Variants in FBXO7 observed in about 807,000 individuals in gnomAD.
The protein encoded by FBXO7 is F-box protein 7, also known as F-box only protein 7.
A neutral mutation model predicts 50.2 loss-of-function variants in FBXO7; 31 were observed. That is an observed-to-expected ratio of 0.62 (90% CI 0.46 to 0.83). The LOEUF is 0.83. Ranked by LOEUF, FBXO7 falls within the 40% of genes least tolerant of loss-of-function variation. The pLI is 0.00. For synonymous variants in FBXO7, 256 were observed against 253.1 expected, an observed-to-expected ratio of 1.01 and a Z score of -0.11; for missense variants, 667 against 646.6, an observed-to-expected ratio of 1.03 and a Z score of -0.34.
At chr22:32,475,233 G>C (rs1242510206) in intron 1 of FBXO7, 109 bp downstream of exon 1, 1 of 1,523,484 alleles carries the variant, frequency 6.6e-7, no homozygotes, top group Non-Finnish European at 8.8e-7. Context: ...GTGGCCGGGC[G>C]ATAGGCCAAG....
chr22:32,493,349 G>C (rs2057551132), intron 7 of FBXO7, 68 bp downstream of exon 7: 1 of 1,351,332 alleles, frequency 7.4e-7, no homozygotes, highest in South Asian at 1.2e-5. Flanking sequence ...CTCACCAAAA[G>C]TTTTTAGTTG....
rs1601520490 is a variant in FBXO7, at chr22:32,498,237, C to G, written c.1276C>G (p.Pro426Ala). Residue 426 changes from proline (P) to alanine (A), a missense_variant, in exon 9 of 9, where the codon CCC becomes GCC. Physicochemically the swap from Pro to Ala is conservative, Grantham distance 27. Transcript: ENST00000266087. Reference protein sequence around the residue: ...PSSTHTIPFYPNPLHPRPFPS... With the variant: ...PSSTHTIPFYANPLHPRPFPS... ...GTCAACTCACACCATTCCATTCTAT[C>G]CCAACCCCTTGCACCCTAGGCCATT... 6.2e-7 allele frequency: 1 copy of G among 1,614,086 alleles called. No homozygotes were observed. Among genetic ancestry groups the G allele is most frequent in the Non-Finnish European group, 8.5e-7 (1 of 1,180,044 alleles).
rs559606392 is a variant in FBXO7, at chr22:32,483,862, TTTAA to T, written c.418-28_418-25del. 10,896 of 1,585,604 alleles carry T rather than the reference TTTAA, an allele frequency of 6.9e-3. 54 individuals are homozygous for T. Among genetic ancestry groups the T allele is most frequent in the Middle Eastern group, 8.5e-3 (51 of 6,010 alleles). Reference sequence around the variant, plus strand: ...AAAATGTATAGTGTAAAAATAAGTCTTTAATTAATTCATTGTTTTGTTTTCCTTT... The same window carrying T: ...AAAATGTATAGTGTAAAAATAAGTCTTTAATTCATTGTTTTGTTTTCCTTT... On this transcript the variant is annotated intron_variant, in intron 2 of 8. Transcript: ENST00000266087.
At chr22:32,491,268 G>C in intron 6 of FBXO7, 87 bp downstream of exon 6, 1 of 978,790 alleles carries the variant, frequency 1.0e-6, no homozygotes. Context: ...ACATCTGACT[G>C]CCCTCTTTTC....
chr22:32,495,514 A>G lies in FBXO7; in HGVS notation c.1166A>G (p.Asp389Gly), dbSNP rs1405226416. The G allele has an allele frequency of 6.4e-7, 1 of 1,571,282 alleles. No homozygotes were observed. The highest frequency in any genetic ancestry group is 1.1e-5 in the South Asian group (1 of 87,644). Residue 389 changes from aspartate (D) to glycine (G), a missense_variant, in exon 8 of 9, where the codon GAC becomes GGC. Transcript: ENST00000266087. Reference sequence around the variant, plus strand: ...GTAGACAATACTGTCAGAGTTCAAGACACAGATTGGAAAGAAGTAGGTATT... The same window carrying G: ...GTAGACAATACTGTCAGAGTTCAAGGCACAGATTGGAAAGAAGTAGGTATT... ...DFRDNTVRVQ[D>G]TDWKELYRKR...
Position 32,485,053 on chromosome 22 carries a change from C to T in FBXO7, c.646-15C>T, listed in dbSNP as rs1778708082. Reference sequence around the variant, plus strand: ...CTTTCTTCATTATTTGTTTCCCTTTCATTTCGTTCCCCAGGGCACCGAAGC... The same window carrying T: ...CTTTCTTCATTATTTGTTTCCCTTTTATTTCGTTCCCCAGGGCACCGAAGC... On this transcript the variant is annotated splice_polypyrimidine_tract_variant and intron_variant, in intron 3 of 8. Coordinates refer to ENST00000266087, the MANE Select transcript of FBXO7 (RefSeq NM_012179.4). The T allele has an allele frequency of 2.0e-5, 33 of 1,613,896 alleles. No individual in the cohort carries two copies. The highest frequency in any genetic ancestry group is 2.6e-5 in the Non-Finnish European group (31 of 1,179,960).
Position 32,475,243 on chromosome 22 carries a change from G to T in FBXO7, c.122+119G>T, listed in dbSNP as rs11703157. The T allele has an allele frequency of 0.19, 298,680 of 1,536,304 alleles. 32,764 individuals are homozygous for T. The highest frequency in any genetic ancestry group is 0.23 in the Non-Finnish European group (262,577 of 1,147,324). ...CGGGCGTGGCCGGGCGATAGGCCAA[G>T]TGCGGGGACGCCGGGGGGGCCTTCA... On this transcript the variant is annotated intron_variant, in intron 1 of 8. Transcript: ENST00000266087.
At chr22:32,486,496 C>CTATTTTTTATTT (rs904193206) in intron 4 of FBXO7, among the ~76,000 whole-genome samples, 6 of 152,122 alleles carry the variant, frequency 3.9e-5, no homozygotes, top group African/African-American at 1.4e-4. Context: ...CCACACCTGG[C>CTATTTTTTATTT]TATTTTTTAT....
chr22:32,496,295 A>G (rs2057574014), intron 8 of FBXO7, among the ~76,000 whole-genome samples: 1 of 152,316 alleles, frequency 6.6e-6, no homozygotes, highest in Admixed American at 6.5e-5. Flanking sequence ...ATCTTGGCTA[A>G]CACGGTGAAA....
intron 7 of FBXO7, among the ~76,000 whole-genome samples, chr22:32,494,026 T>C (rs1390149788): frequency 1.3e-5 from 2 of 150,800 alleles, no homozygotes; most frequent in Non-Finnish European, 2.9e-5. Flanking sequence ...TTCACATAAA[T>C]GTTTGAATGA....
intron 8 of FBXO7, among the ~76,000 whole-genome samples, chr22:32,496,439 T>A (rs545547182): frequency 3.0e-4 from 45 of 151,994 alleles, no homozygotes; most frequent in Non-Finnish European, 5.4e-4. Flanking sequence ...CCAAGATCGC[T>A]CCATTGCACT....
At chr22:32,487,923 CTAT>C (rs2057509578) in intron 5 of FBXO7, 95 bp downstream of exon 5, 1 of 784,160 alleles carries the variant, frequency 1.3e-6, no homozygotes, top group African/African-American at 1.7e-5. Flanking sequence ...CTGAAAATTT[CTAT>C]ATGAGATTAA....
chr22:32,490,945 C>A lies in FBXO7; in HGVS notation c.872-141C>A, dbSNP rs111241360. On this transcript the variant is annotated intron_variant, in intron 5 of 8. Transcript: ENST00000266087. ...CATCAAGTCTTGCACTGTACTTCTT[C>A]CATGAGGGAATTTGGTTCATGCTTA... 374 of 650,968 alleles carry A rather than the reference C, an allele frequency of 5.7e-4. 1 individual carries two copies. Among genetic ancestry groups the A allele is most frequent in the African/African-American group, 4.7e-3 (258 of 55,190 alleles). The allele number at this position is 650,968 out of a possible 1,614,324, so 40.3% of individuals were successfully genotyped here. A position where few individuals can be genotyped will look rare whatever the true frequency, so the allele number is the denominator to read the frequency against.
Position 32,493,158 on chromosome 22 carries a change from C to G in FBXO7, c.1021C>G (p.Leu341Val), listed in dbSNP as rs1294448791. The change falls in exon 7 of 9, where the codon CTA (leucine) becomes GTA (valine). Residue 341 changes from leucine (L) to valine (V), a missense_variant. Coordinates refer to ENST00000266087, the MANE Select transcript of FBXO7 (RefSeq NM_012179.4). ...GGTCGTCCTCCCATTGGAACTGAAA[C>G]TACGGATCTTCCGACTTCTGGATGT... Reference protein sequence around the residue: ...GLVVLPLELKLRIFRLLDVRS... With the variant: ...GLVVLPLELKVRIFRLLDVRS... 5.6e-6 allele frequency: 9 copies of G among 1,614,186 alleles called. No individual in the cohort carries two copies. Among genetic ancestry groups the G allele is most frequent in the Non-Finnish European group, 5.9e-6 (7 of 1,180,012 alleles).
rs766883090 is a variant in FBXO7 at position 32,484,126 on chromosome 22, T to TAA, written c.645+3_645+4dup. On this transcript the variant is annotated splice_region_variant and intron_variant, in intron 3 of 8. Coordinates refer to ENST00000266087, the MANE Select transcript of FBXO7 (RefSeq NM_012179.4). ...TTGGAGTCAGGTTACATACCTCAGGTAAGTACTGCAAGCAAAACACAGACA... is the reference window on the plus strand; with the variant it reads ...TTGGAGTCAGGTTACATACCTCAGGTAAAAGTACTGCAAGCAAAACACAGACA... The TAA allele has an allele frequency of 1.2e-6, 2 of 1,611,282 alleles. No individual in the cohort carries two copies. The highest frequency in any genetic ancestry group is 1.7e-6 in the Non-Finnish European group (2 of 1,177,418).
At chr22:32,486,636 T>A (rs1428805746) in intron 4 of FBXO7, among the ~76,000 whole-genome samples, 2 of 152,194 alleles carry the variant, frequency 1.3e-5, no homozygotes, top group East Asian at 3.8e-4. Flanking sequence ...GCCTGGCCTC[T>A]TACGAAATTT....
chr22:32,484,452 T>C (rs1251160599), intron 3 of FBXO7, among the ~76,000 whole-genome samples: 1 of 152,182 alleles, frequency 6.6e-6, no homozygotes, highest in Admixed American at 6.5e-5. Context: ...TGCTGGTCTG[T>C]GAGCCATGTT....
At chr22:32,479,545 C>T (rs1272422392) in intron 2 of FBXO7, among the ~76,000 whole-genome samples, 1 of 151,790 alleles carries the variant, frequency 6.6e-6, no homozygotes, top group Non-Finnish European at 1.5e-5. Flanking sequence ...TAGAGGTGCA[C>T]ACCACCACGC....
rs1247714633 is a variant in FBXO7, at chr22:32,484,024, C to G, written c.545C>G (p.Ser182Ter). The change falls in exon 3 of 9, where the codon TCA becomes TGA. Residue 182 changes from serine (S) to a stop codon, truncating the protein, a stop_gained. Transcript: ENST00000266087. LOFTEE classifies it high-confidence loss of function. ...TCGGTGGAAGGGCAAGTGCCACATT[C>G]ATTAGAGACCTTGTATCAATCAGCT... ...SESVEGQVPH[S>*]LETLYQSADC... 1.2e-6 allele frequency: 2 copies of G among 1,614,194 alleles called. No individual in the cohort carries two copies. Among genetic ancestry groups the G allele is most frequent in the South Asian group, 1.1e-5 (1 of 91,086 alleles).
Sources: allele counts gnomAD v4.1 joint callset (sites outside exome capture counted in the v4.1 genomes callset), GRCh38; gene constraint gnomAD v4.1.1; transcripts MANE v1.5; gene names NCBI Gene and HGNC (gene_info 2026-07-23, HGNC 2026-07-21).